The following ATP12A variants were observed in gnomAD, a reference collection of about 807,000 sequenced individuals.
The protein encoded by ATP12A is potassium-transporting ATPase alpha chain 2.
ATP12A carries 81 observed loss-of-function variants against 111.2 expected under a neutral mutation model. The observed-to-expected ratio is 0.73, with a 90% confidence interval of 0.61 to 0.88. The LOEUF (loss-of-function observed/expected upper bound fraction) is 0.88. Ranked by LOEUF, ATP12A falls within the 40% of genes least tolerant of loss-of-function variation. The pLI, the probability that ATP12A is intolerant of heterozygous loss-of-function variation, is 0.00. For missense variants in ATP12A, 1,196 were observed against 1,313.1 expected, an observed-to-expected ratio of 0.91 and a Z score of 1.38; for synonymous variants, 498 against 499.8, an observed-to-expected ratio of 1.00 and a Z score of 0.05.
At chr13:24,706,919 C>A in intron 15 of ATP12A, 104 bp from the exon 16 acceptor site, 2 of 1,312,038 alleles carry the variant, frequency 1.5e-6, no homozygotes, top group Non-Finnish European at 2.1e-6. Flanking sequence ...CAGCTATAAT[C>A]ATCCTCGCAA....
intron 14 of ATP12A, 36 bp from the exon 15 acceptor site, chr13:24,706,277 C>T: frequency 1.2e-6 from 2 of 1,607,696 alleles, no homozygotes; most frequent in Non-Finnish European, 1.7e-6. Context: ...TAAGATCTGC[C>T]CTTGGGCCTC....
At position 24,690,479 on chromosome 13, in the gene ATP12A, G is replaced by A. The variant is rs371556999; in HGVS notation, c.681+7G>A. 116 of 1,613,636 alleles carry A rather than the reference G, an allele frequency of 7.2e-5. No individual in the cohort carries two copies. In the African/African-American group the frequency reaches 1.1e-3, roughly 16 times the overall value. ...GTCTTCTCAGGGGTGTCGGGTAAGCGGCAAGGGGTATCCACCCCAAGGACC... is the reference window on the plus strand; with the variant it reads ...GTCTTCTCAGGGGTGTCGGGTAAGCAGCAAGGGGTATCCACCCCAAGGACC... On this transcript the variant is annotated splice_region_variant and intron_variant, in intron 6 of 22. Transcript: ENST00000381946.
rs1341098515 is a variant in ATP12A at position 24,707,248 on chromosome 13, T to G, written c.2339-31T>G. The G allele has an allele frequency of 2.5e-6, 4 of 1,613,886 alleles. No homozygotes were observed. The South Asian group carries it at 3.3e-5, about 13-fold the overall frequency. On this transcript the variant is annotated intron_variant, in intron 16 of 22. Coordinates refer to ENST00000381946, the MANE Select transcript of ATP12A (RefSeq NM_001676.7). ...CCAGGGTGGTCTGGGGGACTAGAAG[T>G]AAGTTCTGAAGGAGAAACCTCTCTG...
At chr13:24,682,072 GGTGT>G (rs1566067952) in intron 2 of ATP12A, among the ~76,000 whole-genome samples, 2 of 115,754 alleles carry the variant, frequency 1.7e-5, no homozygotes, top group African/African-American at 3.3e-5. Flanking sequence ...GTGTGTGTAT[GGTGT>G]GTGTATGTGT....
intron 3 of ATP12A, among the ~76,000 whole-genome samples, chr13:24,688,029 G>GCGAATGA (rs1219955930): frequency 2.0e-5 from 3 of 152,146 alleles, no homozygotes; most frequent in African/African-American, 7.2e-5. Flanking sequence ...TTCCACCTCT[G>GCGAATGA]CGAATGACGA....
At chr13:24,700,643 T>C (rs1566075288) in intron 12 of ATP12A, 104 bp from the exon 13 acceptor site, 1 of 1,014,340 alleles carries the variant, frequency 9.9e-7, no homozygotes, top group Non-Finnish European at 1.4e-6. Flanking sequence ...TTCTAATGTA[T>C]TGGTAAAACA....
intron 14 of ATP12A, among the ~76,000 whole-genome samples, chr13:24,703,388 G>A (rs984994164): frequency 8.0e-5 from 12 of 150,722 alleles, no homozygotes; most frequent in South Asian, 6.3e-4. Flanking sequence ...GATTACAGGC[G>A]CCCGCCACCA....
At chr13:24,689,534 C>T (rs1423448964) in intron 5 of ATP12A, among the ~76,000 whole-genome samples, 159 bp downstream of exon 5, 1 of 152,150 alleles carries the variant, frequency 6.6e-6, no homozygotes. Context: ...CCCAGTTCCT[C>T]ACAGGATTTT....
intron 17 of ATP12A, 62 bp from the exon 18 acceptor site, chr13:24,709,302 C>T: frequency 7.3e-7 from 1 of 1,373,746 alleles, no homozygotes; most frequent in Admixed American, 1.9e-5. Context: ...CAGCCCCCCT[C>T]CCCTACTGTG....
chr13:24,691,355 A>G, intron 8 of ATP12A, 105 bp downstream of exon 8: 1 of 1,365,904 alleles, frequency 7.3e-7, no homozygotes, highest in Non-Finnish European at 9.8e-7. Context: ...CCAGAGCACC[A>G]CGCCCTCCCC....
chr13:24,702,223 A>T, intron 14 of ATP12A, 152 bp downstream of exon 14: 1 of 1,021,596 alleles, frequency 9.8e-7, no homozygotes, highest in East Asian at 2.6e-5. Flanking sequence ...CCATGTATTC[A>T]CTCTAATTTC....
intron 2 of ATP12A, among the ~76,000 whole-genome samples, chr13:24,683,214 T>C (rs1874547762): frequency 6.6e-6 from 1 of 152,182 alleles, no homozygotes; most frequent in Non-Finnish European, 1.5e-5. Context: ...CGCCTCAGCT[T>C]CCCAAAGTGC....
rs2722 is a variant in ATP12A at position 24,711,630 on chromosome 13, G to T, written c.*108G>T. On this transcript the variant is annotated 3_prime_UTR_variant, in exon 23 of 23. Coordinates refer to ENST00000381946, the MANE Select transcript of ATP12A (RefSeq NM_001676.7). Reference sequence around the variant, plus strand: ...GCAGTGCAGACATCGTCAAAATTCAGACAAGAGGAAATTTTCATGCAGAAA... The same window carrying T: ...GCAGTGCAGACATCGTCAAAATTCATACAAGAGGAAATTTTCATGCAGAAA... 213,624 of 1,487,662 alleles carry T rather than the reference G, an allele frequency of 0.14. 17,080 individuals are homozygous for T. Among genetic ancestry groups the T allele is most frequent in the South Asian group, 0.28 (23,609 of 82,890 alleles). The allele number at this position is 1,487,662 out of a possible 1,614,324, so 92.2% of individuals were successfully genotyped here.
At position 24,709,776 on chromosome 13, in the gene ATP12A, A is replaced by C; in HGVS notation, c.2711A>C (p.Glu904Ala). The C allele has an allele frequency of 6.2e-7, 1 of 1,614,234 alleles. No homozygotes were observed. The change falls in exon 19 of 23, where the codon GAA (glutamate) becomes GCA (alanine). Residue 904 changes from glutamate to alanine, a missense_variant. Physicochemically the swap from Glu to Ala is moderately radical, Grantham distance 107 (BLOSUM62 -1). Transcript: ENST00000381946. ...CGCACTCTCATTAACCTGCGGGTAGAATGGGAGAAGGACTACGTGAATGAC... is the reference window on the plus strand; with the variant it reads ...CGCACTCTCATTAACCTGCGGGTAGCATGGGAGAAGGACTACGTGAATGAC... ...LPRTLINLRV[E>A]WEKDYVNDLK...
chr13:24,709,616 T>C (rs568446924), intron 18 of ATP12A, 67 bp from the exon 19 acceptor site: 21 of 1,597,626 alleles, frequency 1.3e-5, no homozygotes, highest in Non-Finnish European at 1.8e-5. Flanking sequence ...GAACCGAGAG[T>C]AGACAGGATG....
rs67009964 is a variant in ATP12A, at chr13:24,697,639, CAAA to C, written c.1513-1002_1513-1000del. ...TGGGGCACAGAGTGGGACCCCGTCT[CAAA>C]AAAAAAAAAAAAAAAATTTAAGAGA... On this transcript the variant is annotated intron_variant, in intron 11 of 22. Coordinates refer to ENST00000381946, the MANE Select transcript of ATP12A (RefSeq NM_001676.7). 1.6e-3 allele frequency among the ~76,000 whole-genome samples: 155 copies of C among 96,808 alleles called. 1 individual carries two copies. The highest frequency in any genetic ancestry group is 3.3e-3 in the East Asian group (12 of 3,652). The allele number at this position is 96,808 out of a possible 152,430, so 63.5% of individuals were successfully genotyped here. A position where few individuals can be genotyped will look rare whatever the true frequency, so the allele number is the denominator to read the frequency against.
At chr13:24,684,490 G>A (rs1238440342) in intron 2 of ATP12A, among the ~76,000 whole-genome samples, 1 of 152,108 alleles carries the variant, frequency 6.6e-6, no homozygotes, top group Non-Finnish European at 1.5e-5. Context: ...GGGGAGTGAG[G>A]AAGACTTACC....
rs979844608 is a variant in ATP12A at position 24,685,322 on chromosome 13, C to T, written c.177C>T (p.His59=). Residue 59 remains histidine (H), a synonymous_variant, in exon 3 of 23, where the codon CAC becomes CAT. Coordinates refer to ENST00000381946, the MANE Select transcript of ATP12A (RefSeq NM_001676.7). The surrounding 1 kb of genome is among the most constrained non-coding windows in gnomAD (Gnocchi z 5.5). ...CCTTTCATGGACTTCAGGATGACCA[C>T]AAACTCAGCAATAGGGAATTGGAAG... ...EFQKELHLDD[H]KLSNRELEEK... 3.7e-6 allele frequency: 6 copies of T among 1,613,836 alleles called. No homozygotes were observed. The highest frequency in any genetic ancestry group is 4.2e-6 in the Non-Finnish European group (5 of 1,179,886).
At chr13:24,681,821 A>AT in intron 2 of ATP12A, 101 bp downstream of exon 2, 2 of 1,448,860 alleles carry the variant, frequency 1.4e-6, no homozygotes, top group South Asian at 2.5e-5. Flanking sequence ...AGTCTGAGGG[A>AT]TTTGAAATCC....
Sources: gnomAD v4.1 joint callset for allele counts (sites outside exome capture counted in the v4.1 genomes callset) on GRCh38, gnomAD v4.1.1 for gene constraint, Gnocchi (gnomAD v3.1) non-coding constraint, MANE v1.5 for transcripts, NCBI Gene and HGNC (gene_info 2026-07-23, HGNC 2026-07-21) for gene names.